Variants in MYLK4 observed in about 807,000 individuals in gnomAD.
MYLK4 encodes the protein myosin light chain kinase family member 4.
A neutral mutation model predicts 48.1 loss-of-function variants in MYLK4; 46 were observed. The observed-to-expected ratio is 0.96, with a 90% CI of 0.75 to 1.22. The LOEUF (loss-of-function observed/expected upper bound fraction) is 1.22. Ranked by LOEUF, MYLK4 falls within the 50% of genes most tolerant of loss-of-function variation. The pLI is 0.00. For missense variants in MYLK4, 451 were observed against 486.1 expected (o/e 0.93, Z 0.68); for synonymous variants, 170 against 180.8 (o/e 0.94, Z 0.48).
rs970217114 is a variant in MYLK4, at chr6:2,673,940, A to T, written c.1119+1107T>A. Among the ~76,000 whole-genome samples the T allele has an allele frequency of 6.6e-6, 1 of 152,202 alleles. No individual in the cohort carries two copies. The highest frequency in any genetic ancestry group is 1.5e-5 in the Non-Finnish European group (1 of 68,032). ...GGGCTCGAGGGAGAGGAAGGAAGCAAAGAAGATGTACGGGGGCTGGCTGGG... is the reference window on the plus strand; with the variant it reads ...GGGCTCGAGGGAGAGGAAGGAAGCATAGAAGATGTACGGGGGCTGGCTGGG... On this transcript the variant is annotated intron_variant, in intron 11 of 12. Coordinates refer to ENST00000274643, the MANE Select transcript of MYLK4 (RefSeq NM_001012418.5). The surrounding 1 kb of genome is among the most constrained non-coding windows in gnomAD (Gnocchi z 4.2).
At chr6:2,732,535 C>T (rs577567969) in intron 2 of MYLK4, among the ~76,000 whole-genome samples, 1 of 152,156 alleles carries the variant, frequency 6.6e-6, no homozygotes, top group East Asian at 1.9e-4. Flanking sequence ...AAGCTTCCAC[C>T]TGGGTCTACA....
At chr6:2,744,481 C>T (rs1179789785) in intron 2 of MYLK4, among the ~76,000 whole-genome samples, 2 of 152,210 alleles carry the variant, frequency 1.3e-5, no homozygotes, top group Non-Finnish European at 2.9e-5. Context: ...CACAAAACCT[C>T]TGCCCTCAGC....
the MYLK4 span, chr6:2,766,549 C>G: frequency 2.3e-5 from 32 of 1,413,174 alleles, no homozygotes; most frequent in Non-Finnish European, 2.9e-5. Flanking sequence ...CCGCCTGCCT[C>G]TCCTGGATAA....
the MYLK4 span, chr6:2,765,409 C>A: frequency 2.3e-6 from 1 of 443,800 alleles, no homozygotes; most frequent in Non-Finnish European, 3.5e-6. Context: ...CCCGACACGC[C>A]GCGTGAGGCG....
chr6:2,766,175 G>A, the MYLK4 span: 6 of 1,346,536 alleles, frequency 4.5e-6, no homozygotes, highest in African/African-American at 1.5e-5. Context: ...CGGCGAGGAC[G>A]ACCCGGGGCA....
In MYLK4 at chr6:2,685,497, C is replaced by T. The variant is rs770170824; in HGVS notation, c.421G>A (p.Gly141Ser). ...KLAAKIIKTRGMKDKEEVKNE... is the reference protein window; with the variant it reads ...KLAAKIIKTRSMKDKEEVKNE... ...ACAGGCTGTACCTTGTCCTTCATGC[C>T]TCTGGTCTTGATGATTTTGGCTGCC... The change falls in exon 5 of 13, where the codon GGC (glycine) becomes AGC (serine). Residue 141 changes from glycine to serine, a missense_variant. Physicochemically the swap from Gly to Ser is moderately conservative, Grantham distance 56. Coordinates refer to ENST00000274643, the MANE Select transcript of MYLK4 (RefSeq NM_001012418.5). This position sits in a 1 kb window ranked among gnomAD's most constrained non-coding sequence, Gnocchi z 4.5. 5.0e-6 allele frequency: 8 copies of T among 1,613,966 alleles called. No homozygotes were observed. The highest frequency in any genetic ancestry group is 5.9e-6 in the Non-Finnish European group (7 of 1,180,016).
intron 2 of MYLK4, among the ~76,000 whole-genome samples, chr6:2,722,025 C>G (rs9503285): frequency 0.031 from 4,747 of 152,236 alleles, 238 homozygotes; most frequent in African/African-American, 0.11. Flanking sequence ...AAGAAAGGAA[C>G]GCAAAAGATA....
At chr6:2,748,156 A>G (rs1040301821) in intron 2 of MYLK4, among the ~76,000 whole-genome samples, 1 of 152,240 alleles carries the variant, frequency 6.6e-6, no homozygotes, top group African/African-American at 2.4e-5. Flanking sequence ...GCCTGATAAG[A>G]ATCACTTGCT....
upstream of MYLK4, among the ~76,000 whole-genome samples, chr6:2,755,765 C>T (rs1358259039): frequency 6.6e-6 from 1 of 152,110 alleles, no homozygotes; most frequent in Non-Finnish European, 1.5e-5. Context: ...TGTAATCCTT[C>T]ATGACATTGA....
At chr6:2,697,275 T>C (rs966682982) in intron 2 of MYLK4, among the ~76,000 whole-genome samples, 1 of 152,260 alleles carries the variant, frequency 6.6e-6, no homozygotes, top group Non-Finnish European at 1.5e-5. Flanking sequence ...TTAGTCGGTT[T>C]GAGTGCAAGA....
rs1761520533 is a variant in MYLK4 at position 2,685,859 on chromosome 6, A to G, written c.342-283T>C. ...GCCGAGGCGGGAGGATCACGAGGTC[A>G]GGACCAGTCTGGCCAACATAGTGAA... On this transcript the variant is annotated intron_variant, in intron 4 of 12. Coordinates refer to ENST00000274643, the MANE Select transcript of MYLK4 (RefSeq NM_001012418.5). This position sits in a 1 kb window ranked among gnomAD's most constrained non-coding sequence, Gnocchi z 4.5. Among the ~76,000 whole-genome samples, 1 of 152,084 alleles carries G rather than the reference A, an allele frequency of 6.6e-6. No homozygotes were observed. Among genetic ancestry groups the G allele is most frequent in the Non-Finnish European group, 1.5e-5 (1 of 68,018 alleles).
chr6:2,766,363 C>G, the MYLK4 span: 4 of 1,609,916 alleles, frequency 2.5e-6, no homozygotes, highest in South Asian at 1.1e-5. Context: ...AGGCCGTGGG[C>G]CAGGATACCC....
At chr6:2,725,589 A>AAGAAAGAAAGAAAGTGAAAG (rs1763237338) in intron 2 of MYLK4, among the ~76,000 whole-genome samples, 1 of 145,148 alleles carries the variant, frequency 6.9e-6, no homozygotes, top group Non-Finnish European at 1.5e-5. Context: ...AAGAAAGAGA[A>AAGAAAGAAAGAAAGTGAAAG]AGAAAGAAAG....
At chr6:2,737,099 G>T (rs1763706961) in intron 2 of MYLK4, among the ~76,000 whole-genome samples, 1 of 152,190 alleles carries the variant, frequency 6.6e-6, no homozygotes, top group African/African-American at 2.4e-5. Context: ...CAGATCACGA[G>T]GTCAAGAGAT....
chr6:2,711,456 A>T (rs898771), intron 2 of MYLK4, among the ~76,000 whole-genome samples: 130,825 of 152,288 alleles, frequency 0.86, 56,274 homozygotes, highest in Admixed American at 0.89. Context: ...AAATATTCTT[A>T]GATTCCAATT....
intron 4 of MYLK4, among the ~76,000 whole-genome samples, chr6:2,688,208 G>A (rs1008265271): frequency 1.3e-5 from 2 of 151,916 alleles, no homozygotes; most frequent in African/African-American, 2.4e-5. Context: ...ACAGGCATGC[G>A]CCACCACGCC....
chr6:2,680,303 A>C lies in MYLK4; in HGVS notation c.688-12T>G, dbSNP rs768666041. On this transcript the variant is annotated splice_polypyrimidine_tract_variant and intron_variant, in intron 7 of 12. Transcript: ENST00000274643. Reference sequence around the variant, plus strand: ...AGGATATTCTCAGGCTGCCAGGAGAAAGAGACACATTAGCAATGAAAACAA... The same window carrying C: ...AGGATATTCTCAGGCTGCCAGGAGACAGAGACACATTAGCAATGAAAACAA... The C allele has an allele frequency of 6.2e-7, 1 of 1,613,816 alleles. No homozygotes were observed. Among genetic ancestry groups the C allele is most frequent in the Non-Finnish European group, 8.5e-7 (1 of 1,179,990 alleles).
chr6:2,721,942 C>CA (rs1763083738), intron 2 of MYLK4, among the ~76,000 whole-genome samples: 1 of 152,166 alleles, frequency 6.6e-6, no homozygotes, highest in Admixed American at 6.5e-5. Flanking sequence ...TGTAAGGTCT[C>CA]AAAAATATAC....
chr6:2,701,894 C>G (rs72831540), intron 2 of MYLK4, among the ~76,000 whole-genome samples: 4 of 152,164 alleles, frequency 2.6e-5, no homozygotes, highest in African/African-American at 7.2e-5. Flanking sequence ...TGAATTGGTG[C>G]GAAGAATCAT....
Sources: allele counts gnomAD v4.1 joint callset (sites outside exome capture counted in the v4.1 genomes callset), GRCh38; gene constraint gnomAD v4.1.1; non-coding constraint Gnocchi (gnomAD v3.1); transcripts MANE v1.5; gene names NCBI Gene and HGNC (gene_info 2026-07-23, HGNC 2026-07-21).